LGI2: variants seen among roughly 807,000 people sequenced by gnomAD.
The protein encoded by LGI2 is leucine rich repeat LGI family member 2.
A neutral mutation model predicts 52.0 loss-of-function variants in LGI2; 30 were observed. The observed-to-expected ratio is 0.58, with a 90% confidence interval of 0.43 to 0.78. The LOEUF (loss-of-function observed/expected upper bound fraction) is 0.78, where lower values mean the gene tolerates loss of function less well. LGI2 is among the 30% of genes least tolerant of loss of function. The pLI is 0.00. For synonymous variants in LGI2, 270 were observed against 271.8 expected (o/e 0.99, Z 0.06); for missense variants, 573 against 692.5 (o/e 0.83, Z 1.94).
At chr4:25,008,951 C>T (rs973025012) in intron 7 of LGI2, among the ~76,000 whole-genome samples, 2 of 152,196 alleles carry the variant, frequency 1.3e-5, no homozygotes, top group African/African-American at 2.4e-5. Flanking sequence ...CTGTGGCCTC[C>T]GTTTGGTCCA....
chr4:25,029,445 T>G (rs1044921715), intron 1 of LGI2, among the ~76,000 whole-genome samples: 1 of 152,188 alleles, frequency 6.6e-6, no homozygotes, highest in African/African-American at 2.4e-5. Flanking sequence ...TGGGAAGCAC[T>G]GGACACAAGA....
intron 4 of LGI2, among the ~76,000 whole-genome samples, chr4:25,021,705 G>A (rs1183979689): frequency 6.6e-6 from 1 of 152,090 alleles, no homozygotes. Context: ...GCCGAGGTGG[G>A]TGGATCATGA....
chr4:25,021,803 C>T (rs112930133), intron 4 of LGI2, among the ~76,000 whole-genome samples: 130 of 151,920 alleles, frequency 8.6e-4, no homozygotes, highest in African/African-American at 2.9e-3. Flanking sequence ...TGGTGGCACA[C>T]GCCTGTAGTC....
In LGI2 at chr4:25,028,550, T is replaced by C; in HGVS notation, c.226A>G (p.Ile76Val). The stretch of plus-strand genomic sequence containing the variant: ...AGATGGGAAAACATTCGGTCCTTGA[T>C]TTCTGAAAACGTCCCATTTACCAGG... ...LSLVNGTFSE[I>V]KDRMFSHLPS... Residue 76 changes from isoleucine to valine, a missense_variant, in exon 2 of 8, where the codon ATC becomes GTC. By Grantham distance (29) the Ile-to-Val change is conservative. Transcript: ENST00000382114. 1 of 1,613,490 alleles carries C rather than the reference T, an allele frequency of 6.2e-7. No individual in the cohort carries two copies. Among genetic ancestry groups the C allele is most frequent in the Non-Finnish European group, 8.5e-7 (1 of 1,179,876 alleles).
chr4:25,009,932 C>A (rs778979827), intron 7 of LGI2, among the ~76,000 whole-genome samples: 1 of 152,184 alleles, frequency 6.6e-6, no homozygotes, highest in African/African-American at 2.4e-5. Context: ...ACACGCCTGG[C>A]CAGAGTTTTA....
At chr4:25,017,945 G>T in intron 6 of LGI2, 44 bp downstream of exon 6, 1 of 1,506,240 alleles carries the variant, frequency 6.6e-7, no homozygotes, top group Non-Finnish European at 8.9e-7. Flanking sequence ...AAGACAAAGA[G>T]ATTATTCTAA....
chr4:25,009,728 C>T (rs753148046), intron 7 of LGI2, among the ~76,000 whole-genome samples: 12 of 151,926 alleles, frequency 7.9e-5, no homozygotes, highest in Non-Finnish European at 1.6e-4. Flanking sequence ...CTCCGCCTCC[C>T]GGGTTCAAGC....
At chr4:24,995,093 C>A (rs1196326594), downstream of LGI2, among the ~76,000 whole-genome samples, 1 of 152,118 alleles carries the variant, frequency 6.6e-6, no homozygotes, top group South Asian at 2.1e-4. Flanking sequence ...TGTTTACTCA[C>A]CTGGGTGCAC....
chr4:25,020,832 C>A (rs1725934368), intron 4 of LGI2, among the ~76,000 whole-genome samples: 1 of 152,136 alleles, frequency 6.6e-6, no homozygotes, highest in African/African-American at 2.4e-5. Flanking sequence ...TTCATGTACT[C>A]TTTTACCTTT....
intron 4 of LGI2, among the ~76,000 whole-genome samples, chr4:25,021,663 G>A (rs1375006006): frequency 6.6e-6 from 1 of 152,116 alleles, no homozygotes; most frequent in Non-Finnish European, 1.5e-5. Context: ...CGGGCGCGGT[G>A]GCTCACACCT....
intron 3 of LGI2, among the ~76,000 whole-genome samples, chr4:25,025,795 T>C (rs1027924390): frequency 1.3e-5 from 2 of 152,238 alleles, no homozygotes; most frequent in Admixed American, 1.3e-4. Flanking sequence ...AAAACTGAGA[T>C]GTCTTTTCAG....
At chr4:25,027,010 C>G in intron 2 of LGI2, 71 bp from the exon 3 acceptor site, 1 of 1,192,276 alleles carries the variant, frequency 8.4e-7, no homozygotes. Flanking sequence ...ATTTCTCTTT[C>G]CTTTGCTACG....
At position 25,003,257 on chromosome 4, in the gene LGI2, G is replaced by A. The variant is rs1725298923; in HGVS notation, c.*194C>T. On this transcript the variant is annotated 3_prime_UTR_variant, in exon 8 of 8. Coordinates refer to ENST00000382114, the MANE Select transcript of LGI2 (RefSeq NM_018176.4). The stretch of plus-strand genomic sequence containing the variant: ...GATTTTTTTTTAAATGGTAGAATGG[G>A]CATGTCATGCAGTTAGCCAATAAAT... 4.1e-6 allele frequency: 2 copies of A among 493,796 alleles called. No individual in the cohort carries two copies. The highest frequency in any genetic ancestry group is 4.0e-5 in the African/African-American group (2 of 49,908). 30.6% of individuals were successfully genotyped at this position (493,796 alleles called of 1,614,324 possible).
chr4:25,006,595 T>G (rs1436655352), intron 7 of LGI2, among the ~76,000 whole-genome samples: 2 of 152,250 alleles, frequency 1.3e-5, no homozygotes, highest in African/African-American at 4.8e-5. Context: ...AGGATATGTG[T>G]GTTAAATGTT....
chr4:25,017,541 C>CAA (rs66740392), intron 6 of LGI2, among the ~76,000 whole-genome samples: 1,353 of 53,252 alleles, frequency 0.025, 99 homozygotes, highest in African/African-American at 0.075. Context: ...GACTCTGCCT[C>CAA]AAAAAAAAAA....
chr4:25,008,309 T>C (rs1218670346), intron 7 of LGI2, among the ~76,000 whole-genome samples: 7 of 152,114 alleles, frequency 4.6e-5, no homozygotes, highest in Non-Finnish European at 5.9e-5. Context: ...TCCTAACACT[T>C]TGGGAGGCCG....
chr4:24,995,869 T>C (rs930275891), downstream of LGI2, among the ~76,000 whole-genome samples: 5 of 152,178 alleles, frequency 3.3e-5, no homozygotes, highest in African/African-American at 7.2e-5. Context: ...TACATGATTG[T>C]TGGAACATTT....
rs559854870 is a variant in LGI2, at chr4:25,030,459, G to A, written c.197+38C>T. The A allele has an allele frequency of 3.0e-5, 46 of 1,554,762 alleles. No individual in the cohort carries two copies. The East Asian group carries it at 7.4e-4, about 25-fold the overall frequency. Reference sequence around the variant, plus strand: ...CCCTCGCGGCGGCGGACGCAGGGTGGGGCGGGACGGGATGGGGGCTGGAGG... The same window carrying A: ...CCCTCGCGGCGGCGGACGCAGGGTGAGGCGGGACGGGATGGGGGCTGGAGG... On this transcript the variant is annotated intron_variant, in intron 1 of 7. Transcript: ENST00000382114.
rs866918063 is a variant in LGI2 at position 25,008,971 on chromosome 4, C to T, written c.820+3364G>A. ...GCCTCCGTTTGGTCCAGGCCATACT[C>T]GCTTGCCTGGGTTCCGGATTCTTGC... On this transcript the variant is annotated intron_variant, in intron 7 of 7. Transcript: ENST00000382114. Among the ~76,000 whole-genome samples, 9 of 152,326 alleles carry T rather than the reference C, an allele frequency of 5.9e-5. No homozygotes were observed. In the South Asian group the frequency reaches 1.4e-3, roughly 25 times the overall value.
Sources: allele counts gnomAD v4.1 joint callset (sites outside exome capture counted in the v4.1 genomes callset), GRCh38; gene constraint gnomAD v4.1.1; transcripts MANE v1.5; gene names NCBI Gene and HGNC (gene_info 2026-07-23, HGNC 2026-07-21).